ASTN2: variants seen among roughly 807,000 people sequenced by gnomAD.
The protein encoded by ASTN2 is astrotactin 2, also known as astrotactin-2.
ASTN2 carries 54 observed loss-of-function variants against 139.8 expected under a neutral mutation model. That is an observed-to-expected ratio of 0.39 (90% CI 0.31 to 0.48). ASTN2 has a LOEUF of 0.48. ASTN2 is among the 20% of genes least tolerant of loss of function. The pLI is 0.95. For missense variants in ASTN2, 1,565 were observed against 1,725.1 expected, an observed-to-expected ratio of 0.91 and a Z score of 1.64; for synonymous variants, 756 against 719.5, an observed-to-expected ratio of 1.05 and a Z score of -0.81.
intron 19 of ASTN2, chr9:116,581,883 G>A (rs1208175208): frequency 6.8e-6 from 1 of 147,648 alleles, no homozygotes; most frequent in African/African-American, 2.5e-5. Context: ...CTGCAGGGGT[G>A]AATCTTATCT....
chr9:116,693,211 T>C (rs1377778617), intron 16 of ASTN2, among the ~76,000 whole-genome samples: 1 of 152,190 alleles, frequency 6.6e-6, no homozygotes, highest in Non-Finnish European at 1.5e-5. Flanking sequence ...ATATGCATTT[T>C]CCATAGTCAT....
chr9:116,995,339 G>A (rs1836985397), intron 7 of ASTN2, among the ~76,000 whole-genome samples: 1 of 152,176 alleles, frequency 6.6e-6, no homozygotes, highest in Non-Finnish European at 1.5e-5. Context: ...AAGAATATGA[G>A]GCCCATAGAG....
At chr9:117,010,488 A>C (rs1837488712) in intron 6 of ASTN2, among the ~76,000 whole-genome samples, 1 of 152,104 alleles carries the variant, frequency 6.6e-6, no homozygotes, top group South Asian at 2.1e-4. Flanking sequence ...AGTGATAAAG[A>C]GAATAGAATC....
At chr9:116,772,032 A>T (rs766394572) in intron 13 of ASTN2, among the ~76,000 whole-genome samples, 20 of 152,250 alleles carry the variant, frequency 1.3e-4, no homozygotes, top group Admixed American at 4.6e-4. Context: ...CAGCCATGCC[A>T]TTATATTTAC....
At chr9:116,691,599 G>A (rs1860568203) in intron 16 of ASTN2, among the ~76,000 whole-genome samples, 1 of 152,122 alleles carries the variant, frequency 6.6e-6, no homozygotes, top group East Asian at 1.9e-4. Context: ...CCCCAGACTG[G>A]TACAACTTCA....
chr9:116,465,801 T>C (rs899690835), intron 20 of ASTN2, among the ~76,000 whole-genome samples: 1 of 151,940 alleles, frequency 6.6e-6, no homozygotes, highest in Non-Finnish European at 1.5e-5. Context: ...TTAGGCGAGA[T>C]GGGAGGGGCA....
chr9:116,976,870 T>A, intron 7 of ASTN2, 85 bp from the exon 8 acceptor site: 1 of 1,200,322 alleles, frequency 8.3e-7, no homozygotes, highest in Non-Finnish European at 1.2e-6. Flanking sequence ...TCCTAAGACA[T>A]AAAGTGAGCT....
chr9:117,393,812 G>A (rs970058829), intron 1 of ASTN2, among the ~76,000 whole-genome samples: 4 of 152,052 alleles, frequency 2.6e-5, no homozygotes, highest in African/African-American at 9.7e-5. Flanking sequence ...GCAGTGGGGA[G>A]ACTCTAGGGT....
intron 10 of ASTN2, among the ~76,000 whole-genome samples, chr9:116,970,499 C>G (rs1482626285): frequency 6.6e-6 from 1 of 152,138 alleles, no homozygotes; most frequent in African/African-American, 2.4e-5. Flanking sequence ...TTGAACTTTC[C>G]CTCTATTCTT....
At chr9:117,048,061 G>A (rs1169566009) in intron 5 of ASTN2, among the ~76,000 whole-genome samples, 1 of 152,156 alleles carries the variant, frequency 6.6e-6, no homozygotes, top group Non-Finnish European at 1.5e-5. Context: ...AGGTAATAGG[G>A]CTGAAATGAA....
intron 16 of ASTN2, among the ~76,000 whole-genome samples, chr9:116,693,458 C>T (rs900279804): frequency 1.3e-5 from 2 of 152,104 alleles, no homozygotes; most frequent in African/African-American, 4.8e-5. Flanking sequence ...TGTAATTTTT[C>T]TGAGTCTTAG....
At chr9:116,470,767 A>G (rs1848787952) in intron 20 of ASTN2, among the ~76,000 whole-genome samples, 1 of 152,202 alleles carries the variant, frequency 6.6e-6, no homozygotes, top group African/African-American at 2.4e-5. Flanking sequence ...GGGAAGTTAA[A>G]TAAAGTCCAA....
chr9:117,198,917 T>C (rs1168612301), intron 3 of ASTN2, among the ~76,000 whole-genome samples: 2 of 152,232 alleles, frequency 1.3e-5, no homozygotes, highest in Non-Finnish European at 2.9e-5. Flanking sequence ...CATATGTTTG[T>C]TGGCTGCATA....
At chr9:116,595,829 G>T (rs1476582490) in intron 19 of ASTN2, among the ~76,000 whole-genome samples, 1 of 152,112 alleles carries the variant, frequency 6.6e-6, no homozygotes, top group Non-Finnish European at 1.5e-5. Flanking sequence ...ATCACTGTTG[G>T]GAATGTAGAA....
intron 13 of ASTN2, among the ~76,000 whole-genome samples, chr9:116,775,425 A>T (rs899016951): frequency 4.8e-5 from 7 of 146,440 alleles, no homozygotes; most frequent in Non-Finnish European, 1.1e-4. Context: ...GGAGAGAGGG[A>T]GAGAGGGAGG....
intron 1 of ASTN2, among the ~76,000 whole-genome samples, chr9:117,347,079 A>T (rs750200574): frequency 6.6e-6 from 1 of 152,112 alleles, no homozygotes; most frequent in Non-Finnish European, 1.5e-5. Flanking sequence ...ATGACCTGGT[A>T]TATCTGGCAC....
At chr9:116,771,746 A>G (rs1412888272) in intron 13 of ASTN2, among the ~76,000 whole-genome samples, 4 of 152,246 alleles carry the variant, frequency 2.6e-5, no homozygotes, top group African/African-American at 9.6e-5. Context: ...TAGCCTGATG[A>G]CATGGAGATT....
chr9:117,044,715 T>C (rs1838681359), intron 5 of ASTN2, among the ~76,000 whole-genome samples: 1 of 152,220 alleles, frequency 6.6e-6, no homozygotes, highest in Admixed American at 6.5e-5. Flanking sequence ...CTTATCCTTC[T>C]TTCCATCCAT....
At chr9:116,461,686 T>C (rs1848491806) in intron 20 of ASTN2, among the ~76,000 whole-genome samples, 1 of 152,148 alleles carries the variant, frequency 6.6e-6, no homozygotes, top group Non-Finnish European at 1.5e-5. Flanking sequence ...AGAAGGTATA[T>C]TCATGATTCA....
Sources: gnomAD v4.1 joint callset for allele counts (sites outside exome capture counted in the v4.1 genomes callset) on GRCh38, gnomAD v4.1.1 for gene constraint, MANE v1.5 for transcripts, NCBI Gene and HGNC (gene_info 2026-07-23, HGNC 2026-07-21) for gene names.